BACE2: variants seen among roughly 807,000 people sequenced by gnomAD.
BACE2 encodes the protein 56 kDa aspartic-like protease.
In BACE2, 17 loss-of-function variants were observed where a neutral mutation model predicts 46.2. The observed-to-expected ratio is 0.37, with a 90% confidence interval of 0.25 to 0.55. BACE2 has a LOEUF of 0.55. Ranked by LOEUF, BACE2 falls within the 20% of genes least tolerant of loss-of-function variation. BACE2 has a pLI of 0.82. For synonymous variants in BACE2, 277 were observed against 295.9 expected (o/e 0.94, Z 0.66); for missense variants, 595 against 698.1 (o/e 0.85, Z 1.66).
intron 7 of BACE2, among the ~76,000 whole-genome samples, chr21:41,255,579 G>C (rs1418964362): frequency 6.6e-6 from 1 of 152,190 alleles, no homozygotes; most frequent in Admixed American, 6.5e-5. Context: ...TATGGTTACT[G>C]CCTGGTTCCC....
chr21:41,257,774 C>A (rs1311704399), intron 8 of BACE2, among the ~76,000 whole-genome samples: 4 of 152,168 alleles, frequency 2.6e-5, no homozygotes, highest in Non-Finnish European at 4.4e-5. Flanking sequence ...GACCAAGGAG[C>A]CCCTGTTTCT....
Position 41,237,702 on chromosome 21 carries a change from T to C in BACE2, c.591T>C (p.Leu197=). 1.9e-6 allele frequency: 3 copies of C among 1,614,142 alleles called. No individual in the cohort carries two copies. The highest frequency in any genetic ancestry group is 2.5e-6 in the Non-Finnish European group (3 of 1,179,962). The change falls in exon 3 of 9, where the codon CTT becomes CTC. Residue 197 remains leucine, a synonymous_variant. Transcript: ENST00000330333. ...FLPGIKWNGI[L]GLAYATLAKP... ...CTGGGATTAAATGGAATGGAATACT[T>C]GGCCTAGCTTATGCCACACTTGCCA...
intron 6 of BACE2, among the ~76,000 whole-genome samples, chr21:41,247,239 TGCGGGAAGA>T (rs1201744454): frequency 1.3e-5 from 2 of 152,100 alleles, no homozygotes; most frequent in Non-Finnish European, 2.9e-5. Context: ...CTGTAACTGC[TGCGGGAAGA>T]GCGGCACGTG....
chr21:41,223,401 C>G (rs1451686342), intron 1 of BACE2, among the ~76,000 whole-genome samples: 1 of 151,706 alleles, frequency 6.6e-6, no homozygotes, highest in African/African-American at 2.4e-5. Flanking sequence ...GTTCTAGAGG[C>G]AAGAAGTCTG....
chr21:41,271,825 G>A (rs571086415), intron 8 of BACE2, among the ~76,000 whole-genome samples: 172 of 152,140 alleles, frequency 1.1e-3, no homozygotes, highest in African/African-American at 4.0e-3. Flanking sequence ...AAGCCACCCA[G>A]CACATTGTTA....
chr21:41,266,912 C>A (rs942636108), intron 8 of BACE2, among the ~76,000 whole-genome samples: 2 of 151,970 alleles, frequency 1.3e-5, no homozygotes, highest in Non-Finnish European at 2.9e-5. Flanking sequence ...TTGAGGACCC[C>A]ACATCTTTGG....
intron 3 of BACE2, 124 bp from the exon 4 acceptor site, chr21:41,241,695 T>C (rs1987293425): frequency 2.6e-6 from 3 of 1,144,086 alleles, no homozygotes; most frequent in African/African-American, 3.1e-5. Context: ...TGGTGTACTG[T>C]TGAACCATGA....
intron 7 of BACE2, among the ~76,000 whole-genome samples, chr21:41,255,544 G>T (rs1987758091): frequency 6.6e-6 from 1 of 152,204 alleles, no homozygotes; most frequent in Non-Finnish European, 1.5e-5. Context: ...CCCATAGAGG[G>T]TGTCTGTGGG....
intron 2 of BACE2, among the ~76,000 whole-genome samples, chr21:41,235,500 T>G (rs1308095434): frequency 6.6e-6 from 1 of 152,194 alleles, no homozygotes. Flanking sequence ...GAATTAAAGA[T>G]AGTTAACATT....
At chr21:41,239,158 T>A (rs891339140) in intron 3 of BACE2, among the ~76,000 whole-genome samples, 1 of 148,966 alleles carries the variant, frequency 6.7e-6, no homozygotes, top group Non-Finnish European at 1.5e-5. Flanking sequence ...GAAGAACATT[T>A]GTTCCAGCTC....
intron 6 of BACE2, among the ~76,000 whole-genome samples, chr21:41,247,280 G>C (rs941970764): frequency 1.3e-5 from 2 of 152,096 alleles, no homozygotes; most frequent in Non-Finnish European, 2.9e-5. Flanking sequence ...CACAGAGGGG[G>C]AATAGGCAGG....
rs58910330 is a variant in BACE2, at chr21:41,196,315, CAA to C, written c.312+27752_312+27753del. 5.9e-4 allele frequency among the ~76,000 whole-genome samples: 76 copies of C among 129,438 alleles called. 5 individuals carry two copies. Among genetic ancestry groups the C allele is most frequent in the Admixed American group, 5.4e-4 (7 of 12,966 alleles). 84.9% of individuals were successfully genotyped at this position (129,438 alleles called of 152,430 possible). A position where few individuals can be genotyped will look rare whatever the true frequency, so the allele number is the denominator to read the frequency against. On this transcript the variant is annotated intron_variant, in intron 1 of 8. Coordinates refer to ENST00000330333, the MANE Select transcript of BACE2 (RefSeq NM_012105.5). Reference sequence around the variant, plus strand: ...TCTATCTCAAAACAAAAAACAAAACCAAAAAAAAAAAAAGAGAGAGAGAGAGA... The same window carrying C: ...TCTATCTCAAAACAAAAAACAAAACCAAAAAAAAAAAGAGAGAGAGAGAGA...
chr21:41,202,149 G>A (rs7277000), intron 1 of BACE2, among the ~76,000 whole-genome samples: 6,025 of 152,312 alleles, frequency 0.04, 375 homozygotes, highest in African/African-American at 0.13. Flanking sequence ...ACCGTAGTGA[G>A]CTGTTTGTTA....
chr21:41,229,144 A>G (rs535265507), intron 2 of BACE2, among the ~76,000 whole-genome samples: 1 of 152,188 alleles, frequency 6.6e-6, no homozygotes, highest in East Asian at 1.9e-4. Context: ...AGAACCGCTT[A>G]TCTGAATAGT....
intron 2 of BACE2, chr21:41,230,225 C>G (rs1462954724): frequency 6.6e-6 from 1 of 152,190 alleles, no homozygotes; most frequent in Non-Finnish European, 1.5e-5. Flanking sequence ...GCGTTTGAGG[C>G]GAGTTCTATT....
intron 2 of BACE2, among the ~76,000 whole-genome samples, chr21:41,236,834 G>A (rs893430941): frequency 1.3e-5 from 2 of 152,208 alleles, no homozygotes; most frequent in African/African-American, 2.4e-5. Flanking sequence ...GTGCCAGATT[G>A]GGTTGTGTCC....
chr21:41,169,868 G>T (rs1252873641), intron 1 of BACE2, among the ~76,000 whole-genome samples: 4 of 151,540 alleles, frequency 2.6e-5, no homozygotes, highest in Non-Finnish European at 5.9e-5. Flanking sequence ...GATGGTTAGA[G>T]GGAGGGAATA....
chr21:41,271,166 A>G (rs1350092239), intron 8 of BACE2, among the ~76,000 whole-genome samples: 1 of 151,540 alleles, frequency 6.6e-6, no homozygotes, highest in Admixed American at 6.6e-5. Flanking sequence ...CCATCTGTTT[A>G]GTTTTAACAT....
At chr21:41,247,884 G>T (rs1440092040) in intron 6 of BACE2, among the ~76,000 whole-genome samples, 1 of 152,216 alleles carries the variant, frequency 6.6e-6, no homozygotes, top group Non-Finnish European at 1.5e-5. Context: ...ACCGTCTCTG[G>T]ACCAAAGCTG....
Sources: allele counts gnomAD v4.1 joint callset (sites outside exome capture counted in the v4.1 genomes callset), GRCh38; gene constraint gnomAD v4.1.1; transcripts MANE v1.5; gene names NCBI Gene and HGNC (gene_info 2026-07-23, HGNC 2026-07-21).